Variants in TMEM260 observed in about 807,000 individuals in gnomAD.
TMEM260 encodes protein O-mannosyl-transferase TMEM260.
A neutral mutation model predicts 88.9 loss-of-function variants in TMEM260; 82 were observed. The ratio of observed to expected loss-of-function variants is 0.92; its 90% CI spans 0.77 to 1.11. The LOEUF (loss-of-function observed/expected upper bound fraction) is 1.11. Ranked by LOEUF, TMEM260 falls within the 50% of genes least tolerant of loss-of-function variation. The probability of loss-of-function intolerance (pLI) is 0.00; values close to 1 mark genes in which losing one functional copy is unlikely to be tolerated. For missense variants in TMEM260, 902 were observed against 853.4 expected (o/e 1.06, Z -0.71); for synonymous variants, 314 against 309.3 (o/e 1.02, Z -0.16).
rs150375138 is a variant in TMEM260, at chr14:56,634,924, G to T, written c.1750G>T (p.Val584Leu). 23 of 1,613,914 alleles carry T rather than the reference G, an allele frequency of 1.4e-5. No individual in the cohort carries two copies. In the East Asian group the frequency reaches 4.9e-4, roughly 34 times the overall value. ...GRFDPSSWESVANEEMWQARM... is the reference protein window; with the variant it reads ...GRFDPSSWESLANEEMWQARM... ...GTTTGATCCATCTTCTTGGGAATCT[G>T]TGGCCAATGAAGAAATGTGGCAAGC... Residue 584 changes from valine to leucine, a missense_variant, in exon 14 of 16, where the codon GTG (valine) becomes TTG (leucine). Transcript: ENST00000261556.
rs1886853960 is a variant in TMEM260 at position 56,605,665 on chromosome 14, T to C, written c.618T>C (p.Phe206=). Residue 206 remains phenylalanine (F), a synonymous_variant, in exon 5 of 16, where the codon TTT becomes TTC. Coordinates refer to ENST00000261556, the MANE Select transcript of TMEM260 (RefSeq NM_017799.4). ...YVLCIIPWIL[F]QLLKKKELSL... Reference sequence around the variant, plus strand: ...TGTGCATAATACCTTGGATTCTCTTTCAACTTTTAAAAAAGAAGGTACGTT... The same window carrying C: ...TGTGCATAATACCTTGGATTCTCTTCCAACTTTTAAAAAAGAAGGTACGTT... 6.4e-7 allele frequency: 1 copy of C among 1,574,154 alleles called. No homozygotes were observed. Among genetic ancestry groups the C allele is most frequent in the East Asian group, 2.3e-5 (1 of 43,846 alleles).
chr14:56,604,174 T>C (rs867656491), intron 4 of TMEM260, among the ~76,000 whole-genome samples, 182 bp downstream of exon 4: 1 of 152,144 alleles, frequency 6.6e-6, no homozygotes, highest in African/African-American at 2.4e-5. Context: ...ATAGCCCTTA[T>C]AAAACATGGC....
chr14:56,582,715 A>G (rs902598986), intron 1 of TMEM260, among the ~76,000 whole-genome samples: 1 of 152,192 alleles, frequency 6.6e-6, no homozygotes, highest in African/African-American at 2.4e-5. Flanking sequence ...GACACAACTG[A>G]GGAACCTTTC....
chr14:56,639,516 G>A (rs1015262514), intron 15 of TMEM260, among the ~76,000 whole-genome samples: 4 of 152,164 alleles, frequency 2.6e-5, no homozygotes, highest in African/African-American at 7.2e-5. Flanking sequence ...AGTATAGGAG[G>A]TGGAGCCAAG....
At chr14:56,582,212 G>A (rs1053869301) in intron 1 of TMEM260, among the ~76,000 whole-genome samples, 3 of 152,184 alleles carry the variant, frequency 2.0e-5, no homozygotes, top group African/African-American at 7.2e-5. Flanking sequence ...CTCAAAACCA[G>A]TATAAAGCAT....
Position 56,648,106 on chromosome 14 carries a change from G to A in TMEM260, c.*609G>A, listed in dbSNP as rs1890079013. 6.6e-6 allele frequency: 1 copy of A among 151,712 alleles called. No individual in the cohort carries two copies. Among genetic ancestry groups the A allele is most frequent in the Admixed American group, 6.6e-5 (1 of 15,218 alleles). 9.4% of individuals were successfully genotyped at this position (151,712 alleles called of 1,614,324 possible). ...TAAAAAAAAAAAAAGTTAATTTGAT[G>A]TTTGCTTATTTCAGTTGCAGAAACT... On this transcript the variant is annotated 3_prime_UTR_variant, in exon 16 of 16. Coordinates refer to ENST00000261556, the MANE Select transcript of TMEM260 (RefSeq NM_017799.4).
chr14:56,650,706 T>C (rs929110527), downstream of TMEM260: 4 of 152,240 alleles, frequency 2.6e-5, no homozygotes, highest in Admixed American at 1.3e-4. Context: ...ATTTTTATGA[T>C]ACTCTGCCGG....
At chr14:56,644,543 T>TA (rs952425671) in intron 15 of TMEM260, among the ~76,000 whole-genome samples, 10 of 152,196 alleles carry the variant, frequency 6.6e-5, no homozygotes, top group Admixed American at 3.3e-4. Flanking sequence ...CCTAAAACCA[T>TA]AAAAACCCTA....
intron 6 of TMEM260, 44 bp from the exon 7 acceptor site, chr14:56,612,201 C>T (rs1340738630): frequency 6.5e-7 from 1 of 1,530,760 alleles, no homozygotes; most frequent in Non-Finnish European, 9.0e-7. Flanking sequence ...AATAAAGCGT[C>T]AGTTTAATGC....
chr14:56,589,339 G>A (rs970685497), intron 3 of TMEM260, among the ~76,000 whole-genome samples: 8 of 151,858 alleles, frequency 5.3e-5, no homozygotes, highest in Admixed American at 2.0e-4. Flanking sequence ...AACTATTGCC[G>A]GCCAAATGGA....
At chr14:56,599,591 C>T (rs1055025156) in intron 3 of TMEM260, among the ~76,000 whole-genome samples, 1 of 152,090 alleles carries the variant, frequency 6.6e-6, no homozygotes, top group Admixed American at 6.6e-5. Flanking sequence ...ATAAGGTAAA[C>T]TTTAAAAAAA....
intron 3 of TMEM260, among the ~76,000 whole-genome samples, chr14:56,590,996 A>G (rs1410914391): frequency 6.6e-6 from 1 of 152,234 alleles, no homozygotes; most frequent in Non-Finnish European, 1.5e-5. Flanking sequence ...AAAGGGCTAC[A>G]TAGGCTGACT....
In TMEM260 at chr14:56,603,919, A is replaced by G. The variant is rs557113012; in HGVS notation, c.449A>G (p.Asn150Ser). Reference sequence around the variant, plus strand: ...GCAGCAGAGGTTTTTAGCTTAAACAATCTCTTTGTGGGGCTGCTTATGGCT... The same window carrying G: ...GCAGCAGAGGTTTTTAGCTTAAACAGTCTCTTTGTGGGGCTGCTTATGGCT... The part of the protein sequence containing the change: ...SIAAEVFSLN[N>S]LFVGLLMALT... The change falls in exon 4 of 16, where the codon AAT (asparagine) becomes AGT (serine). Residue 150 changes from asparagine to serine, a missense_variant. Asn to Ser is a conservative substitution (Grantham distance 46). Coordinates refer to ENST00000261556, the MANE Select transcript of TMEM260 (RefSeq NM_017799.4). The G allele has an allele frequency of 5.3e-5, 85 of 1,613,444 alleles. No homozygotes were observed. The highest frequency in any genetic ancestry group is 6.7e-5 in the Non-Finnish European group (79 of 1,179,782).
chr14:56,609,380 CAGT>C, intron 6 of TMEM260, 95 bp downstream of exon 6: 1 of 1,156,740 alleles, frequency 8.6e-7, no homozygotes, highest in Non-Finnish European at 1.2e-6. Context: ...TTGTCAATGA[CAGT>C]AGATCAAATG....
chr14:56,629,682 T>C (rs558870360), intron 12 of TMEM260, among the ~76,000 whole-genome samples: 59 of 152,290 alleles, frequency 3.9e-4, no homozygotes, highest in Non-Finnish European at 4.7e-4. Context: ...ATCTTCCTGT[T>C]TGAAGGATAT....
At chr14:56,630,768 A>AT (rs1364713777) in intron 12 of TMEM260, among the ~76,000 whole-genome samples, 2 of 152,196 alleles carry the variant, frequency 1.3e-5, no homozygotes, top group Admixed American at 6.5e-5. Context: ...TATCCTGGAC[A>AT]TTTTGAATAT....
chr14:56,604,371 G>C (rs1348063744), intron 4 of TMEM260, among the ~76,000 whole-genome samples: 1 of 152,058 alleles, frequency 6.6e-6, no homozygotes, highest in Non-Finnish European at 1.5e-5. Flanking sequence ...CTCCTTAATT[G>C]CCAAAAAAGG....
chr14:56,597,349 C>G (rs1886310737), intron 3 of TMEM260, among the ~76,000 whole-genome samples: 1 of 152,102 alleles, frequency 6.6e-6, no homozygotes, highest in African/African-American at 2.4e-5. Flanking sequence ...CTGAAAAAAT[C>G]CAAAATTTGA....
chr14:56,631,636 A>AG (rs2139622310), intron 12 of TMEM260, among the ~76,000 whole-genome samples: 1 of 151,874 alleles, frequency 6.6e-6, no homozygotes, highest in East Asian at 1.9e-4. Context: ...AAAAAAAAAA[A>AG]AAGAGACTGT....
Sources: allele counts gnomAD v4.1 joint callset (sites outside exome capture counted in the v4.1 genomes callset), GRCh38; gene constraint gnomAD v4.1.1; transcripts MANE v1.5; gene names NCBI Gene and HGNC (gene_info 2026-07-23, HGNC 2026-07-21).